STK24: variants seen among roughly 807,000 people sequenced by gnomAD.
STK24 encodes serine/threonine kinase 24, also known as serine/threonine-protein kinase 24.
In STK24, 21 loss-of-function variants were observed where a neutral mutation model predicts 55.6. The ratio of observed to expected loss-of-function variants is 0.38; its 90% confidence interval spans 0.27 to 0.54. The LOEUF (loss-of-function observed/expected upper bound fraction) is 0.54, where lower values mean the gene tolerates loss of function less well. Among genes scored for constraint, STK24 ranks in the 20% least tolerant of loss-of-function variants. The probability of loss-of-function intolerance (pLI) is 0.79; values close to 1 mark genes in which losing one functional copy is unlikely to be tolerated. For synonymous variants in STK24, 200 were observed against 215.2 expected, an observed-to-expected ratio of 0.93 and a Z score of 0.62; for missense variants, 383 against 538.4, an observed-to-expected ratio of 0.71 and a Z score of 2.86.
chr13:98,503,942 G>A (rs762512907), intron 2 of STK24, among the ~76,000 whole-genome samples: 21 of 152,172 alleles, frequency 1.4e-4, no homozygotes, highest in Non-Finnish European at 2.9e-5. Context: ...CACCCACGCA[G>A]AATCTGCCTC....
intron 1 of STK24, among the ~76,000 whole-genome samples, chr13:98,572,374 C>T (rs193236329): frequency 6.6e-6 from 1 of 152,284 alleles, no homozygotes; most frequent in East Asian, 1.9e-4. Context: ...CCAACCTTCC[C>T]CCAGGGTGCA....
At chr13:98,457,120 A>C in intron 10 of STK24, 48 bp downstream of exon 10, 2 of 1,590,376 alleles carry the variant, frequency 1.3e-6, no homozygotes, top group Non-Finnish European at 1.7e-6. Context: ...GTCCCAGCCC[A>C]AGTGCAGGTC....
rs764965215 is a variant in STK24 at position 98,446,863 on chromosome 13, C to T, written c.*6310G>A. 2.5e-6 allele frequency: 4 copies of T among 1,597,806 alleles called. No individual in the cohort carries two copies. The highest frequency in any genetic ancestry group is 2.2e-5 in the South Asian group (2 of 90,086). ...CACAGGGCCCTGCAGAAGAGGACCC[C>T]CTCTTCCAAACATCAGGATTTCTCC... On this transcript the variant is annotated 3_prime_UTR_variant, in exon 11 of 11. Coordinates refer to ENST00000539966, the MANE Select transcript of STK24 (RefSeq NM_001032296.4).
chr13:98,494,409 T>G (rs1341606482), intron 2 of STK24, among the ~76,000 whole-genome samples: 1 of 8,770 alleles, frequency 1.1e-4, no homozygotes, highest in Non-Finnish European at 8.2e-4. Flanking sequence ...GCCAGACTCG[T>G]CTCAAAAAAA....
At chr13:98,460,210 G>A (rs1893641149) in intron 9 of STK24, among the ~76,000 whole-genome samples, 162 bp downstream of exon 9, 1 of 49,096 alleles carries the variant, frequency 2.0e-5, no homozygotes, top group African/African-American at 4.4e-5. Flanking sequence ...GAGGCGCAAG[G>A]TGGTGCTGAC....
At chr13:98,498,829 G>A (rs1294756203) in intron 2 of STK24, among the ~76,000 whole-genome samples, 2 of 152,224 alleles carry the variant, frequency 1.3e-5, no homozygotes, top group African/African-American at 2.4e-5. Context: ...AAAGGGAAGG[G>A]AAAACAGGAC....
chr13:98,526,898 G>A (rs1340912986), intron 1 of STK24, among the ~76,000 whole-genome samples: 1 of 152,192 alleles, frequency 6.6e-6, no homozygotes. Flanking sequence ...ACTGTCCACA[G>A]GCGCGTTTTC....
intron 2 of STK24, chr13:98,504,960 C>T (rs1387178458): frequency 6.6e-6 from 1 of 152,286 alleles, no homozygotes; most frequent in South Asian, 2.1e-4. Flanking sequence ...CCACTGTCCA[C>T]TGGGCTGCCA....
intron 1 of STK24, among the ~76,000 whole-genome samples, chr13:98,558,170 T>C (rs1376542403): frequency 6.6e-6 from 1 of 152,224 alleles, no homozygotes; most frequent in Non-Finnish European, 1.5e-5. Context: ...ACCAGACGTA[T>C]GACAGATCCC....
At chr13:98,567,946 G>A (rs973320700) in intron 1 of STK24, among the ~76,000 whole-genome samples, 3 of 150,214 alleles carry the variant, frequency 2.0e-5, no homozygotes, top group East Asian at 2.0e-4. Flanking sequence ...AAAAAAAAGG[G>A]GGGGGGTGGG....
At chr13:98,473,436 A>C (rs116653532) in intron 5 of STK24, among the ~76,000 whole-genome samples, 1 of 151,400 alleles carries the variant, frequency 6.6e-6, no homozygotes, top group African/African-American at 2.4e-5. Context: ...AAATCTACAC[A>C]GATGAACTTT....
chr13:98,485,661 C>T (rs1894777091), intron 2 of STK24, among the ~76,000 whole-genome samples: 1 of 152,192 alleles, frequency 6.6e-6, no homozygotes. Flanking sequence ...GTAAGTTTCT[C>T]CCAAAGTTAA....
intron 1 of STK24, among the ~76,000 whole-genome samples, chr13:98,549,508 C>A (rs985898803): frequency 6.6e-6 from 1 of 152,150 alleles, no homozygotes; most frequent in Non-Finnish European, 1.5e-5. Context: ...GTGGATCCCT[C>A]GCGGCTTGGT....
chr13:98,479,326 C>T (rs549560987), intron 3 of STK24, among the ~76,000 whole-genome samples: 1 of 152,176 alleles, frequency 6.6e-6, no homozygotes, highest in Non-Finnish European at 1.5e-5. Flanking sequence ...AGCACACACT[C>T]AAATATGTGC....
rs78670167 is a variant in STK24, at chr13:98,520,680, G to C, written c.43-1207C>G. Among the ~76,000 whole-genome samples, 365 of 152,336 alleles carry C rather than the reference G, an allele frequency of 2.4e-3. 5 individuals carry two copies. Among genetic ancestry groups the C allele is most frequent in the African/African-American group, 8.3e-3 (345 of 41,568 alleles). On this transcript the variant is annotated intron_variant, in intron 1 of 10. Coordinates refer to ENST00000539966, the MANE Select transcript of STK24 (RefSeq NM_001032296.4). ...TGACGTGAGCCTCAGGGCCCATCAG[G>C]GGCCACCCAGCCACAGCTCTCCAAG...
chr13:98,501,124 A>C (rs2139344450), intron 2 of STK24, among the ~76,000 whole-genome samples: 1 of 152,176 alleles, frequency 6.6e-6, no homozygotes, highest in Non-Finnish European at 1.5e-5. Flanking sequence ...GTAGTTTCAA[A>C]CTCTTTAGTC....
intron 5 of STK24, among the ~76,000 whole-genome samples, chr13:98,471,088 C>G (rs886727998): frequency 1.3e-5 from 2 of 152,224 alleles, no homozygotes; most frequent in African/African-American, 4.8e-5. Flanking sequence ...ACATTCTTCC[C>G]TGGCCCTCAG....
intron 1 of STK24, among the ~76,000 whole-genome samples, chr13:98,569,827 G>A (rs556205382): frequency 7.0e-6 from 1 of 142,444 alleles, no homozygotes; most frequent in South Asian, 2.2e-4. Flanking sequence ...AGGGTCCAAA[G>A]TCTATAGACA....
At chr13:98,475,590 CAA>C (rs1349144234) in intron 3 of STK24, among the ~76,000 whole-genome samples, 2 of 152,192 alleles carry the variant, frequency 1.3e-5, no homozygotes, top group Admixed American at 6.5e-5. Context: ...AGCAGAGAAG[CAA>C]AGAGGAGCCA....
Sources: gnomAD v4.1 joint callset for allele counts (sites outside exome capture counted in the v4.1 genomes callset) on GRCh38, gnomAD v4.1.1 for gene constraint, MANE v1.5 for transcripts, NCBI Gene and HGNC (gene_info 2026-07-23, HGNC 2026-07-21) for gene names.